The following SHISA9 variants were observed in gnomAD, a reference collection of about 807,000 sequenced individuals.
SHISA9 encodes shisa family member 9, also known as protein shisa-9.
A neutral mutation model predicts 38.0 loss-of-function variants in SHISA9; 13 were observed. The observed-to-expected ratio is 0.34, with a 90% CI of 0.22 to 0.54. The LOEUF (loss-of-function observed/expected upper bound fraction) is 0.54. Ranked by LOEUF, SHISA9 falls within the 20% of genes least tolerant of loss-of-function variation. SHISA9 has a pLI of 0.91. For missense variants in SHISA9, 538 were observed against 575.8 expected (o/e 0.93, Z 0.67); for synonymous variants, 275 against 242.0 (o/e 1.14, Z -1.27).
intron 1 of SHISA9, chr16:12,910,493 C>G: frequency 1.0e-6 from 1 of 985,430 alleles, no homozygotes; most frequent in Non-Finnish European, 1.2e-6. Context: ...TGAGCCAGCA[C>G]TTTTATAAGT....
intron 2 of SHISA9, among the ~76,000 whole-genome samples, chr16:13,075,429 C>A (rs1482196381): frequency 6.6e-6 from 1 of 152,082 alleles, no homozygotes; most frequent in Non-Finnish European, 1.5e-5. Flanking sequence ...TGCCTTGAAC[C>A]CGTGGGAGGG....
intron 2 of SHISA9, among the ~76,000 whole-genome samples, chr16:13,168,969 T>C (rs1425164975): frequency 6.6e-6 from 1 of 152,234 alleles, no homozygotes; most frequent in African/African-American, 2.4e-5. Context: ...GTCACCATGA[T>C]CATTGTTTTT....
chr16:13,082,286 C>G (rs989479600), intron 2 of SHISA9: 7 of 152,102 alleles, frequency 4.6e-5, no homozygotes, highest in African/African-American at 1.7e-4. Flanking sequence ...AACTTATTGA[C>G]TAAAGCAACA....
chr16:12,931,660 G>C (rs775651914), intron 2 of SHISA9, among the ~76,000 whole-genome samples: 1 of 152,104 alleles, frequency 6.6e-6, no homozygotes, highest in African/African-American at 2.4e-5. Context: ...TGGTGTATAT[G>C]TACCACATTT....
chr16:13,255,749 T>C, the SHISA9 span, among the ~76,000 whole-genome samples: 1 of 152,242 alleles, frequency 6.6e-6, no homozygotes. Flanking sequence ...TATGAGCACC[T>C]GCTATATGTG....
intron 4 of SHISA9, among the ~76,000 whole-genome samples, chr16:13,216,444 A>G (rs913720801): frequency 1.3e-5 from 2 of 152,192 alleles, no homozygotes; most frequent in East Asian, 3.9e-4. Flanking sequence ...CATTACTGGT[A>G]TTAGTAGTAC....
the SHISA9 span, among the ~76,000 whole-genome samples, chr16:13,535,990 CA>C: frequency 1.3e-5 from 2 of 150,764 alleles, no homozygotes; most frequent in African/African-American, 4.9e-5. Context: ...AGGGACTTTG[CA>C]TATTTTTTTC....
the SHISA9 span, among the ~76,000 whole-genome samples, chr16:13,285,053 T>G: frequency 6.6e-6 from 1 of 152,162 alleles, no homozygotes; most frequent in African/African-American, 2.4e-5. Context: ...GTTTTTGGTA[T>G]TCATGGATAG....
At chr16:13,015,911 C>T (rs563230104) in intron 2 of SHISA9, among the ~76,000 whole-genome samples, 13 of 92,684 alleles carry the variant, frequency 1.4e-4, no homozygotes, top group South Asian at 3.7e-4. Flanking sequence ...TCTTTCTTTT[C>T]TTTCTTTCTC....
the SHISA9 span, among the ~76,000 whole-genome samples, chr16:13,542,129 C>T: frequency 6.6e-6 from 1 of 152,142 alleles, no homozygotes; most frequent in Non-Finnish European, 1.5e-5. Context: ...CAAGGGACAC[C>T]TGGAACCACC....
intron 4 of SHISA9, among the ~76,000 whole-genome samples, chr16:13,224,390 G>C (rs2051258849): frequency 6.6e-6 from 1 of 152,184 alleles, no homozygotes; most frequent in Admixed American, 6.5e-5. Flanking sequence ...CTTAACCTGA[G>C]CTCCAGCCCT....
intron 2 of SHISA9, among the ~76,000 whole-genome samples, chr16:13,168,575 A>G (rs2050658259): frequency 6.6e-6 from 1 of 152,182 alleles, no homozygotes; most frequent in Non-Finnish European, 1.5e-5. Flanking sequence ...CTACTACACC[A>G]TGAAAGGGAG....
chr16:13,124,366 T>C lies in SHISA9; in HGVS notation c.692-79028T>C, dbSNP rs191197796. On this transcript the variant is annotated intron_variant, in intron 2 of 4. Coordinates refer to ENST00000558583, the MANE Select transcript of SHISA9 (RefSeq NM_001145204.3). ...AGAGAGGTTGCCATCTTACCAAACA[T>C]ATTAGCCAGGGTAGGGAGATGGAGG... is the stretch of plus-strand genomic sequence containing the variant. Among the ~76,000 whole-genome samples the C allele has an allele frequency of 1.3e-3, 195 of 152,236 alleles. 2 individuals are homozygous for C. Among genetic ancestry groups the C allele is most frequent in the African/African-American group, 4.6e-3 (190 of 41,552 alleles).
intron 2 of SHISA9, among the ~76,000 whole-genome samples, chr16:12,944,463 C>T (rs1340596634): frequency 6.6e-6 from 1 of 152,148 alleles, no homozygotes. Context: ...GATTGCTGAG[C>T]CCAAAGCCAT....
At chr16:13,481,971 A>G in the SHISA9 span, among the ~76,000 whole-genome samples, 1 of 152,216 alleles carries the variant, frequency 6.6e-6, no homozygotes, top group Admixed American at 6.5e-5. Context: ...TTACATGCCA[A>G]CCACTGACAC....
intron 2 of SHISA9, among the ~76,000 whole-genome samples, chr16:13,121,874 CACACACACA>C (rs2050214629): frequency 7.4e-6 from 1 of 134,550 alleles, no homozygotes; most frequent in African/African-American, 3.0e-5. Context: ...CACACACACA[CACACACACA>C]GAACAGGCCT....
the SHISA9 span, among the ~76,000 whole-genome samples, chr16:13,369,461 T>C: frequency 3.3e-5 from 5 of 152,164 alleles, no homozygotes; most frequent in Non-Finnish European, 7.3e-5. Context: ...AATTGGTGGA[T>C]TGAGCAGAAC....
At chr16:13,019,824 C>A (rs868832041) in intron 2 of SHISA9, among the ~76,000 whole-genome samples, 1 of 110,484 alleles carries the variant, frequency 9.1e-6, no homozygotes, top group Admixed American at 8.6e-5. Context: ...TTCTTTCTTT[C>A]TTTCTTTCTT....
the SHISA9 span, among the ~76,000 whole-genome samples, chr16:13,252,846 A>G: frequency 6.6e-6 from 1 of 152,204 alleles, no homozygotes; most frequent in Non-Finnish European, 1.5e-5. Flanking sequence ...GAATGAATTA[A>G]TGAATGAATG....
Sources: gnomAD v4.1 joint callset for allele counts (sites outside exome capture counted in the v4.1 genomes callset) on GRCh38, gnomAD v4.1.1 for gene constraint, MANE v1.5 for transcripts, NCBI Gene and HGNC (gene_info 2026-07-23, HGNC 2026-07-21) for gene names.